Variants in CNTN4 observed in about 807,000 individuals in gnomAD.
CNTN4 encodes contactin-4.
Under a neutral mutation model 122.5 loss-of-function variants are expected in CNTN4, and 77 were observed. The ratio of observed to expected loss-of-function variants is 0.63; its 90% CI spans 0.52 to 0.76. The LOEUF (loss-of-function observed/expected upper bound fraction) is 0.76. Ranked by LOEUF, CNTN4 falls within the 30% of genes least tolerant of loss-of-function variation. The pLI is 0.00. For missense variants in CNTN4, 1,256 were observed against 1,259.1 expected (o/e 1.00, Z 0.04); for synonymous variants, 512 against 447.0 (o/e 1.15, Z -1.83).
At chr3:2,133,282 G>A (rs1350853501) in intron 2 of CNTN4, among the ~76,000 whole-genome samples, 1 of 152,054 alleles carries the variant, frequency 6.6e-6, no homozygotes, top group African/African-American at 2.4e-5. Flanking sequence ...AGAATCAAAG[G>A]GCATTTTCTT....
At chr3:2,847,856 C>T (rs1324056873) in intron 7 of CNTN4, among the ~76,000 whole-genome samples, 2 of 152,156 alleles carry the variant, frequency 1.3e-5, no homozygotes, top group African/African-American at 4.8e-5. Context: ...CTTCCCTGCC[C>T]ACATGCTCTT....
intron 2 of CNTN4, among the ~76,000 whole-genome samples, chr3:2,201,344 A>G (rs376830212): frequency 1.3e-5 from 2 of 152,212 alleles, no homozygotes; most frequent in East Asian, 1.9e-4. Flanking sequence ...GAAGTTTAAA[A>G]TATTTAACCA....
At chr3:2,465,698 A>AAT (rs1181836478) in intron 3 of CNTN4, among the ~76,000 whole-genome samples, 1 of 152,042 alleles carries the variant, frequency 6.6e-6, no homozygotes, top group Non-Finnish European at 1.5e-5. Context: ...AAATTCAAAT[A>AAT]AAAAAATAAA....
intron 12 of CNTN4, among the ~76,000 whole-genome samples, chr3:2,909,148 G>T (rs959652030): frequency 6.6e-6 from 1 of 152,328 alleles, no homozygotes; most frequent in Admixed American, 6.5e-5. Context: ...AAAATAATCA[G>T]ATGTGCTGAG....
intron 14 of CNTN4, among the ~76,000 whole-genome samples, chr3:3,023,208 C>T (rs536823961): frequency 2.2e-4 from 34 of 152,262 alleles, no homozygotes; most frequent in Non-Finnish European, 4.4e-4. Flanking sequence ...TTTTGAACCT[C>T]TTTAGTTTAA....
chr3:2,231,438 ATTT>A (rs1402445424), intron 2 of CNTN4, among the ~76,000 whole-genome samples: 1 of 152,178 alleles, frequency 6.6e-6, no homozygotes, highest in Non-Finnish European at 1.5e-5. Context: ...GTCTTTTTAT[ATTT>A]TTAACCTAAC....
intron 3 of CNTN4, among the ~76,000 whole-genome samples, chr3:2,410,938 G>A (rs2047204490): frequency 1.3e-5 from 2 of 152,086 alleles, no homozygotes; most frequent in African/African-American, 4.8e-5. Context: ...TAGTGTCTTT[G>A]TTAGTTTTGC....
intron 3 of CNTN4, among the ~76,000 whole-genome samples, chr3:2,407,941 T>C (rs2047098874): frequency 1.3e-5 from 2 of 152,248 alleles, no homozygotes; most frequent in South Asian, 4.1e-4. Context: ...TGTGTGTCTA[T>C]GCACATTTTA....
At chr3:2,440,866 CATAT>C (rs537820563) in intron 3 of CNTN4, among the ~76,000 whole-genome samples, 3,090 of 143,786 alleles carry the variant, frequency 0.021, 56 homozygotes, top group Non-Finnish European at 0.031. Flanking sequence ...ATATATCTAA[CATAT>C]ATGTATATAT....
intron 2 of CNTN4, among the ~76,000 whole-genome samples, chr3:2,188,048 TGC>T (rs2037357184): frequency 6.6e-6 from 1 of 152,110 alleles, no homozygotes; most frequent in African/African-American, 2.4e-5. Flanking sequence ...ACTTGTCAAG[TGC>T]CTGGATCAAG....
intron 3 of CNTN4, among the ~76,000 whole-genome samples, chr3:2,500,986 T>C (rs2076579175): frequency 1.3e-5 from 2 of 152,220 alleles, no homozygotes; most frequent in South Asian, 4.1e-4. Flanking sequence ...TGCTCTTAGA[T>C]TTTTATAATG....
chr3:2,252,309 T>C (rs2040409157), intron 2 of CNTN4, among the ~76,000 whole-genome samples: 1 of 152,040 alleles, frequency 6.6e-6, no homozygotes, highest in African/African-American at 2.4e-5. Flanking sequence ...AGCAAAACAT[T>C]AGGTTTTTAA....
chr3:2,933,204 G>C (rs1228070787), intron 13 of CNTN4, among the ~76,000 whole-genome samples: 1 of 152,124 alleles, frequency 6.6e-6, no homozygotes, highest in Non-Finnish European at 1.5e-5. Context: ...CAAGGAAAAA[G>C]TCAGTTATGC....
chr3:2,162,954 G>A (rs2036030538), intron 2 of CNTN4, among the ~76,000 whole-genome samples: 1 of 152,026 alleles, frequency 6.6e-6, no homozygotes, highest in African/African-American at 2.4e-5. Flanking sequence ...AAAATTAGCT[G>A]GGTGTGGTAG....
intron 4 of CNTN4, among the ~76,000 whole-genome samples, chr3:2,619,693 G>A (rs374970717): frequency 2.6e-5 from 4 of 152,198 alleles, no homozygotes; most frequent in African/African-American, 7.2e-5. Flanking sequence ...TCCTTAAGGA[G>A]AGGTCTTTTC....
At chr3:2,940,633 G>A (rs950831181) in intron 13 of CNTN4, among the ~76,000 whole-genome samples, 6 of 152,142 alleles carry the variant, frequency 3.9e-5, no homozygotes, top group Non-Finnish European at 1.5e-5. Flanking sequence ...CAAGGAGAGA[G>A]CAGAAGAATG....
At chr3:2,257,080 C>T (rs2040625205) in intron 2 of CNTN4, among the ~76,000 whole-genome samples, 1 of 152,058 alleles carries the variant, frequency 6.6e-6, no homozygotes, top group African/African-American at 2.4e-5. Flanking sequence ...GGTATTGGTA[C>T]CAGAACAGAT....
chr3:2,420,392 C>A (rs1321915119), intron 3 of CNTN4, among the ~76,000 whole-genome samples: 1 of 152,026 alleles, frequency 6.6e-6, no homozygotes, highest in Non-Finnish European at 1.5e-5. Flanking sequence ...GTCAGAGTTT[C>A]TCTGCAGGAT....
Position 2,579,609 on chromosome 3 carries a change from G to A in CNTN4, c.55+8051G>A, listed in dbSNP as rs185643452. ...TAGGCTATCTGTGAGGATTGAGAAC[G>A]TGCATATATTCTTTGCACTTAGTGC... On this transcript the variant is annotated intron_variant, in intron 4 of 24. Coordinates refer to ENST00000418658, the MANE Select transcript of CNTN4 (RefSeq NM_175607.3). Among the ~76,000 whole-genome samples the A allele has an allele frequency of 5.3e-5, 8 of 152,052 alleles. No individual in the cohort carries two copies. In the East Asian group the frequency reaches 9.7e-4, roughly 18 times the overall value.
Sources: gnomAD v4.1 joint callset for allele counts (sites outside exome capture counted in the v4.1 genomes callset) on GRCh38, gnomAD v4.1.1 for gene constraint, MANE v1.5 for transcripts, NCBI Gene and HGNC (gene_info 2026-07-23, HGNC 2026-07-21) for gene names.